PFKFB3: variants seen among roughly 807,000 people sequenced by gnomAD.
PFKFB3 encodes the protein 6-phosphofructo-2-kinase/fructose-2,6-biphosphatase 3.
In PFKFB3, 33 loss-of-function variants were observed where a neutral mutation model predicts 68.0. The ratio of observed to expected loss-of-function variants is 0.49; its 90% CI spans 0.37 to 0.65. The LOEUF (loss-of-function observed/expected upper bound fraction) is 0.65, where lower values mean the gene tolerates loss of function less well. PFKFB3 is among the 30% of genes least tolerant of loss of function. PFKFB3 has a pLI of 0.00. For synonymous variants in PFKFB3, 315 were observed against 288.2 expected (o/e 1.09, Z -0.94); for missense variants, 586 against 712.2 (o/e 0.82, Z 2.02).
At chr10:6,168,102 T>C (rs796328306) in intron 1 of PFKFB3, among the ~76,000 whole-genome samples, 16 of 152,306 alleles carry the variant, frequency 1.1e-4, no homozygotes, top group African/African-American at 3.8e-4. Flanking sequence ...TTAAATCACA[T>C]TGTCTTCTTT....
In PFKFB3 at chr10:6,233,049, GGTGGAGC is replaced by G; in HGVS notation, c.*108_*114del. 1.1e-6 allele frequency: 1 copy of G among 887,624 alleles called. No homozygotes were observed. The highest frequency in any genetic ancestry group is 1.9e-6 in the Non-Finnish European group (1 of 532,104). 55.0% of individuals were successfully genotyped at this position (887,624 alleles called of 1,614,324 possible). ...TGAGGACTTCTTCCGGAGAGGGTGGGGTGGAGCAGCGGGGGAGCCTTGGCCGAAGAGA... is the reference window on the plus strand; with the variant it reads ...TGAGGACTTCTTCCGGAGAGGGTGGGAGCGGGGGAGCCTTGGCCGAAGAGA... On this transcript the variant is annotated 3_prime_UTR_variant, in exon 15 of 15. Coordinates refer to ENST00000379775, the MANE Select transcript of PFKFB3 (RefSeq NM_004566.4).
intron 6 of PFKFB3, 31 bp downstream of exon 6, chr10:6,217,222 G>A (rs373299085): frequency 7.5e-6 from 12 of 1,596,750 alleles, no homozygotes; most frequent in Admixed American, 3.3e-5. Context: ...GTGCTTCTGC[G>A]GCAGCGTAGA....
chr10:6,240,353 C>T (rs1364010765), downstream of PFKFB3, among the ~76,000 whole-genome samples: 5 of 152,258 alleles, frequency 3.3e-5, no homozygotes, highest in African/African-American at 9.6e-5. Flanking sequence ...GAAACTCCGC[C>T]TCCTGGGTTC....
At chr10:6,246,326 A>ATTT (rs1235238062) in intron 14 of PFKFB3, among the ~76,000 whole-genome samples, 1 of 144,150 alleles carries the variant, frequency 6.9e-6, no homozygotes, top group African/African-American at 2.6e-5. Flanking sequence ...TATTTATTTT[A>ATTT]TTTATTATTA....
intron 1 of PFKFB3, among the ~76,000 whole-genome samples, chr10:6,147,322 C>G (rs908791233): frequency 5.3e-5 from 8 of 152,190 alleles, no homozygotes; most frequent in African/African-American, 1.7e-4. Context: ...AAGACTTTGC[C>G]GCCCTGCTCC....
At chr10:6,202,919 C>A, upstream of PFKFB3, 1 of 1,186,364 alleles carries the variant, frequency 8.4e-7, no homozygotes, top group Non-Finnish European at 1.0e-6. Context: ...GCCGGCGGTG[C>A]GCGGGGCATC....
At chr10:6,324,422 G>C in the PFKFB3 span, among the ~76,000 whole-genome samples, 265 of 151,378 alleles carry the variant, frequency 1.8e-3, no homozygotes, top group Non-Finnish European at 2.9e-3. Flanking sequence ...GCACAACAAA[G>C]TTAATGTGTT....
intron 5 of PFKFB3, 90 bp from the exon 6 acceptor site, chr10:6,217,045 C>T: frequency 1.5e-6 from 2 of 1,328,876 alleles, no homozygotes; most frequent in Non-Finnish European, 1.1e-6. Flanking sequence ...TGGCGTGCTT[C>T]CGCCTTGTCC....
At chr10:6,301,296 T>A in the PFKFB3 span, among the ~76,000 whole-genome samples, 1 of 152,188 alleles carries the variant, frequency 6.6e-6, no homozygotes, top group Non-Finnish European at 1.5e-5. Flanking sequence ...TTATACCTAG[T>A]ACATATGTAC....
chr10:6,319,331 T>C, the PFKFB3 span, among the ~76,000 whole-genome samples: 1 of 152,190 alleles, frequency 6.6e-6, no homozygotes, highest in African/African-American at 2.4e-5. Flanking sequence ...TACTCAGCCA[T>C]GAAAAAGGAT....
At chr10:6,202,066 C>T (rs973178135), upstream of PFKFB3, among the ~76,000 whole-genome samples, 6 of 152,188 alleles carry the variant, frequency 3.9e-5, no homozygotes, top group African/African-American at 1.2e-4. Flanking sequence ...TAATGAATTG[C>T]AGATCGAAAT....
intron 1 of PFKFB3, among the ~76,000 whole-genome samples, chr10:6,163,384 A>AC (rs1299957962): frequency 5.9e-5 from 9 of 152,186 alleles, no homozygotes; most frequent in Admixed American, 5.2e-4. Context: ...TTTTAAGGTA[A>AC]CCCCCCACAA....
intron 14 of PFKFB3, among the ~76,000 whole-genome samples, chr10:6,250,941 C>G (rs1846367668): frequency 6.6e-6 from 1 of 152,164 alleles, no homozygotes; most frequent in Non-Finnish European, 1.5e-5. Context: ...AGCCGCACAC[C>G]AGAATCATCT....
At chr10:6,289,920 G>A in the PFKFB3 span, among the ~76,000 whole-genome samples, 67 of 151,892 alleles carry the variant, frequency 4.4e-4, no homozygotes, top group African/African-American at 1.4e-3. Flanking sequence ...GGTCCTTCAC[G>A]TCCCTTGTAA....
At chr10:6,221,883 C>A (rs528187818) in intron 10 of PFKFB3, 138 bp downstream of exon 10, 1 of 620,680 alleles carries the variant, frequency 1.6e-6, no homozygotes, top group Non-Finnish European at 2.8e-6. Flanking sequence ...AACTGAGTCC[C>A]CCCAAACTGA....
At chr10:6,307,040 T>C in the PFKFB3 span, among the ~76,000 whole-genome samples, 3 of 152,268 alleles carry the variant, frequency 2.0e-5, no homozygotes, top group East Asian at 5.8e-4. Context: ...GTGGGCCTTG[T>C]CCAATCAGTT....
intron 6 of PFKFB3, among the ~76,000 whole-genome samples, chr10:6,217,923 G>T (rs1290932820): frequency 6.6e-6 from 1 of 152,180 alleles, no homozygotes; most frequent in Non-Finnish European, 1.5e-5. Context: ...ACACTGGGAC[G>T]CTGTGGTGCT....
chr10:6,177,438 CTCTTTCTTTCTTTCTTTCTTTCTTTCTT>C (rs60272376), intron 1 of PFKFB3, among the ~76,000 whole-genome samples: 12 of 86,718 alleles, frequency 1.4e-4, no homozygotes, highest in African/African-American at 4.6e-4. Context: ...TCTTTTCTTT[CTCTTTCTTTCTTTCTTTCTTTCTTTCTT>C]TCTTTCTTTC....
rs1417426437 is a variant in PFKFB3 at position 6,233,890 on chromosome 10, C to G, written c.*948C>G. On this transcript the variant is annotated 3_prime_UTR_variant, in exon 15 of 15. Transcript: ENST00000379775. ...ACCTGGCATCCTTCCCCAGCACTTG[C>G]ATTACCGTCCCTGCTCTTCCCAGGT... 1 of 152,848 alleles carries G rather than the reference C, an allele frequency of 6.5e-6. No individual in the cohort carries two copies. The highest frequency in any genetic ancestry group is 1.5e-5 in the Non-Finnish European group (1 of 68,252). 9.5% of individuals were successfully genotyped at this position (152,848 alleles called of 1,614,324 possible).
Sources: gnomAD v4.1 joint callset for allele counts (sites outside exome capture counted in the v4.1 genomes callset) on GRCh38, gnomAD v4.1.1 for gene constraint, MANE v1.5 for transcripts, NCBI Gene and HGNC (gene_info 2026-07-23, HGNC 2026-07-21) for gene names.